The following ATRNL1 variants were observed in gnomAD, a reference collection of about 807,000 sequenced individuals.
ATRNL1 encodes attractin-like protein 1.
A neutral mutation model predicts 182.7 loss-of-function variants in ATRNL1; 95 were observed. That is an observed-to-expected ratio of 0.52 (90% CI 0.44 to 0.62). The LOEUF is 0.62. ATRNL1 is among the 20% of genes least tolerant of loss of function. ATRNL1 has a pLI of 0.00. For synonymous variants in ATRNL1, 576 were observed against 568.3 expected (o/e 1.01, Z -0.19); for missense variants, 1,471 against 1,679.5 (o/e 0.88, Z 2.17).
intron 26 of ATRNL1, among the ~76,000 whole-genome samples, chr10:115,666,989 T>G (rs1861035265): frequency 6.6e-6 from 1 of 152,176 alleles, no homozygotes; most frequent in Admixed American, 6.5e-5. Context: ...CTCAAATACA[T>G]GCAGTTTAGG....
intron 24 of ATRNL1, among the ~76,000 whole-genome samples, chr10:115,513,138 A>G (rs991351622): frequency 1.2e-4 from 19 of 152,112 alleles, no homozygotes; most frequent in Admixed American, 1.2e-3. Context: ...CAGGGAAGCC[A>G]AAAGATTGGG....
intron 27 of ATRNL1, among the ~76,000 whole-genome samples, chr10:115,751,228 C>T (rs1948439511): frequency 6.6e-6 from 1 of 151,966 alleles, no homozygotes; most frequent in Admixed American, 6.6e-5. Flanking sequence ...ATGTGGGCAA[C>T]CTCTACAAGC....
At chr10:115,664,594 A>C (rs1312315975) in intron 26 of ATRNL1, among the ~76,000 whole-genome samples, 1 of 152,168 alleles carries the variant, frequency 6.6e-6, no homozygotes, top group Non-Finnish European at 1.5e-5. Context: ...TTCAGATATA[A>C]AATAGTTACA....
chr10:115,917,386 C>T (rs2075817738), intron 28 of ATRNL1, among the ~76,000 whole-genome samples: 1 of 145,410 alleles, frequency 6.9e-6, no homozygotes, highest in South Asian at 2.3e-4. Flanking sequence ...AGGAGAATGG[C>T]GTGAACCCAG....
chr10:115,767,236 T>A (rs1366422370), intron 27 of ATRNL1, among the ~76,000 whole-genome samples: 3 of 152,092 alleles, frequency 2.0e-5, no homozygotes, highest in African/African-American at 7.2e-5. Context: ...TCAGAACAAT[T>A]CTCCTCCTAA....
chr10:115,114,728 A>G (rs2143565687), intron 1 of ATRNL1, among the ~76,000 whole-genome samples: 1 of 152,304 alleles, frequency 6.6e-6, no homozygotes, highest in Non-Finnish European at 1.5e-5. Flanking sequence ...CTTATAAAAA[A>G]GATGAAAGAT....
chr10:115,737,161 C>T (rs2804169), intron 27 of ATRNL1, among the ~76,000 whole-genome samples: 143,840 of 151,852 alleles, frequency 0.95, 68,602 homozygotes, highest in East Asian at 1. Flanking sequence ...CACGGTGGCT[C>T]ATGCTTGTAA....
chr10:115,161,284 G>A (rs1846771882), intron 6 of ATRNL1, among the ~76,000 whole-genome samples: 1 of 151,898 alleles, frequency 6.6e-6, no homozygotes, highest in Non-Finnish European at 1.5e-5. Context: ...CTGGAGAGAA[G>A]GAGGGAGTTT....
chr10:115,358,899 T>C (rs1300256997), intron 19 of ATRNL1, among the ~76,000 whole-genome samples: 1 of 151,706 alleles, frequency 6.6e-6, no homozygotes, highest in Non-Finnish European at 1.5e-5. Flanking sequence ...TACATTAGCT[T>C]CTAAACAGAT....
Position 115,892,807 on chromosome 10 carries a change from G to A in ATRNL1, c.4018+44816G>A, listed in dbSNP as rs192704938. On this transcript the variant is annotated intron_variant, in intron 28 of 28. Transcript: ENST00000355044. Reference sequence around the variant, plus strand: ...AGTTGTTTCACAAGCCTGCTTATGCGCCTGTGTTTGTGATTGTAACTCTAA... The same window carrying A: ...AGTTGTTTCACAAGCCTGCTTATGCACCTGTGTTTGTGATTGTAACTCTAA... 6.2e-4 allele frequency among the ~76,000 whole-genome samples: 95 copies of A among 152,194 alleles called. 1 individual carries two copies. The highest frequency in any genetic ancestry group is 1.3e-3 in the African/African-American group (55 of 41,540).
intron 26 of ATRNL1, among the ~76,000 whole-genome samples, chr10:115,578,578 G>A (rs1555006167): frequency 2.6e-5 from 4 of 151,226 alleles, no homozygotes; most frequent in African/African-American, 7.3e-5. Flanking sequence ...TATTTCTGAG[G>A]TATCCCTTAT....
At chr10:115,475,635 G>A (rs753485009) in intron 24 of ATRNL1, among the ~76,000 whole-genome samples, 2 of 151,300 alleles carry the variant, frequency 1.3e-5, no homozygotes, top group South Asian at 2.1e-4. Flanking sequence ...ATTACTAGTG[G>A]TACTTAATTA....
chr10:115,748,537 G>T, intron 27 of ATRNL1, among the ~76,000 whole-genome samples: 1 of 151,154 alleles, frequency 6.6e-6, no homozygotes. Flanking sequence ...ACACTCTTTT[G>T]GTTTCAATCA....
At chr10:115,728,317 A>AAAAAAGG (rs1947678473) in intron 27 of ATRNL1, among the ~76,000 whole-genome samples, 2 of 149,478 alleles carry the variant, frequency 1.3e-5, no homozygotes, top group Non-Finnish European at 3.0e-5. Flanking sequence ...AAAAAAAAAA[A>AAAAAAGG]AAAAAAGGAT....
intron 27 of ATRNL1, among the ~76,000 whole-genome samples, chr10:115,733,022 A>C (rs1555063705): frequency 2.6e-5 from 4 of 152,198 alleles, no homozygotes; most frequent in Non-Finnish European, 5.9e-5. Flanking sequence ...TAAACTCAGC[A>C]CACAAGCTTT....
chr10:115,213,911 A>G (rs947340811), intron 8 of ATRNL1, among the ~76,000 whole-genome samples: 1 of 152,110 alleles, frequency 6.6e-6, no homozygotes, highest in Non-Finnish European at 1.5e-5. Context: ...AGTTATTTAA[A>G]TAAATTGTAT....
rs1170654805 is a variant in ATRNL1 at position 115,466,097 on chromosome 10, C to T, written c.3418-1077C>T. ...GATGTTCCTTATTTCTCCTGCTATTCATCAGGGAAAGGCCATTTTCCTTGT... is the reference window on the plus strand; with the variant it reads ...GATGTTCCTTATTTCTCCTGCTATTTATCAGGGAAAGGCCATTTTCCTTGT... On this transcript the variant is annotated intron_variant, in intron 22 of 28. Transcript: ENST00000355044. Among the ~76,000 whole-genome samples the T allele has an allele frequency of 2.0e-5, 3 of 151,462 alleles. No individual in the cohort carries two copies. In the East Asian group the frequency reaches 5.8e-4, roughly 29 times the overall value.
intron 21 of ATRNL1, among the ~76,000 whole-genome samples, chr10:115,446,224 G>C (rs1402061356): frequency 1.3e-5 from 2 of 151,774 alleles, no homozygotes; most frequent in African/African-American, 4.8e-5. Flanking sequence ...CATTTCTCTT[G>C]AGTGATTTTC....
chr10:115,829,319 C>A (rs1371413689), intron 27 of ATRNL1, among the ~76,000 whole-genome samples: 1 of 152,002 alleles, frequency 6.6e-6, no homozygotes, highest in Non-Finnish European at 1.5e-5. Flanking sequence ...GTAGAGCAGA[C>A]CAGCCATGAC....
Sources: gnomAD v4.1 joint callset for allele counts (sites outside exome capture counted in the v4.1 genomes callset) on GRCh38, gnomAD v4.1.1 for gene constraint, MANE v1.5 for transcripts, NCBI Gene and HGNC (gene_info 2026-07-23, HGNC 2026-07-21) for gene names.